The following COMMD10 variants were observed in gnomAD, a reference collection of about 807,000 sequenced individuals.
COMMD10 encodes COMM domain-containing protein 10.
COMMD10 carries 33 observed loss-of-function variants against 28.9 expected under a neutral mutation model. The observed-to-expected ratio is 1.14, with a 90% CI of 0.87 to 1.53. COMMD10 has a LOEUF of 1.53. COMMD10 is among the 40% of genes most tolerant of loss of function. COMMD10 has a pLI of 0.00. For missense variants in COMMD10, 310 were observed against 233.4 expected (o/e 1.33, Z -2.14); for synonymous variants, 110 against 81.7 (o/e 1.35, Z -1.87).
chr5:116,276,475 A>T (rs1326837354), intron 5 of COMMD10, among the ~76,000 whole-genome samples: 1 of 151,708 alleles, frequency 6.6e-6, no homozygotes, highest in African/African-American at 2.4e-5. Context: ...ACCTCAGGTG[A>T]TCCACCCACC....
At position 116,292,825 on chromosome 5, in the gene COMMD10, G is replaced by GT. The variant is rs1199863696; in HGVS notation, c.*337dup. The GT allele has an allele frequency of 2.5e-6, 1 of 395,864 alleles. No individual in the cohort carries two copies. The highest frequency in any genetic ancestry group is 2.1e-5 in the African/African-American group (1 of 48,522). The allele number at this position is 395,864 out of a possible 1,614,324, so 24.5% of individuals were successfully genotyped here. ...TTTACTTGCTGGATGATACCATAAT[G>GT]TATCAAGGAGCGTCCATGGATACAA... On this transcript the variant is annotated 3_prime_UTR_variant, in exon 7 of 7. Coordinates refer to ENST00000274458, the MANE Select transcript of COMMD10 (RefSeq NM_016144.4).
chr5:116,242,862 C>T (rs185221181), intron 5 of COMMD10, among the ~76,000 whole-genome samples: 3 of 152,112 alleles, frequency 2.0e-5, no homozygotes, highest in East Asian at 1.9e-4. Context: ...AAATAATAAT[C>T]GTTGGATAGG....
At chr5:116,149,707 G>GT (rs1224972006) in intron 5 of COMMD10, among the ~76,000 whole-genome samples, 153 of 148,666 alleles carry the variant, frequency 1.0e-3, no homozygotes, top group African/African-American at 3.6e-3. Context: ...GGGGTTGTTT[G>GT]TTTTTTTCTT....
chr5:116,192,461 C>T (rs1395170996), intron 5 of COMMD10, among the ~76,000 whole-genome samples: 1 of 151,934 alleles, frequency 6.6e-6, no homozygotes, highest in Non-Finnish European at 1.5e-5. Context: ...GAAATAGATA[C>T]TTTAAAGAAA....
chr5:116,140,072 G>T (rs1752148419), intron 5 of COMMD10, among the ~76,000 whole-genome samples: 1 of 151,324 alleles, frequency 6.6e-6, no homozygotes. Flanking sequence ...GATAATCTCT[G>T]TTCTAATAGG....
chr5:116,244,050 A>G (rs1212288904), intron 5 of COMMD10, among the ~76,000 whole-genome samples: 2 of 152,104 alleles, frequency 1.3e-5, no homozygotes, highest in Non-Finnish European at 1.5e-5. Context: ...CACATATTAT[A>G]TATCTATATA....
intron 5 of COMMD10, among the ~76,000 whole-genome samples, chr5:116,275,999 A>T (rs1350201932): frequency 6.6e-6 from 1 of 151,292 alleles, no homozygotes; most frequent in Non-Finnish European, 1.5e-5. Flanking sequence ...CTTAAGGAAC[A>T]CACTATGTTT....
At chr5:116,240,689 A>C (rs1303668199) in intron 5 of COMMD10, among the ~76,000 whole-genome samples, 1 of 152,178 alleles carries the variant, frequency 6.6e-6, no homozygotes, top group Admixed American at 6.5e-5. Flanking sequence ...AGAAGGAAGA[A>C]TCACTAGTGT....
Position 116,273,587 on chromosome 5 carries a change from A to G in COMMD10, c.511-17930A>G, listed in dbSNP as rs1266910472. ...TCATTAATATTAATGACTAGACTAC[A>G]GAGGCATGTAGCCTGTCTAAACATT... On this transcript the variant is annotated intron_variant, in intron 5 of 6. Transcript: ENST00000274458. Among the ~76,000 whole-genome samples the G allele has an allele frequency of 4.0e-5, 6 of 151,880 alleles. 1 individual carries two copies. The highest frequency in any genetic ancestry group is 3.3e-4 in the Admixed American group (5 of 15,216).
rs1750144622 is a variant in COMMD10, at chr5:116,087,519, A to T, written c.64A>T (p.Ile22Leu). The change falls in exon 2 of 7, where the codon ATA (isoleucine) becomes TTA (leucine). Residue 22 changes from isoleucine to leucine, a missense_variant. Transcript: ENST00000274458. ...SPSMKKAVSLINAIDTGRFPR... is the reference protein window; with the variant it reads ...SPSMKKAVSLLNAIDTGRFPR... The stretch of plus-strand genomic sequence containing the variant: ...TAGCATGAAGAAAGCAGTGTCACTG[A>T]TAAATGCAATAGATACAGGAAGATT... The T allele has an allele frequency of 1.2e-6, 2 of 1,611,000 alleles. No individual in the cohort carries two copies. Among genetic ancestry groups the T allele is most frequent in the Admixed American group, 1.7e-5 (1 of 60,000 alleles).
At chr5:116,229,009 A>G (rs778338245) in intron 5 of COMMD10, among the ~76,000 whole-genome samples, 2 of 152,048 alleles carry the variant, frequency 1.3e-5, no homozygotes, top group South Asian at 2.1e-4. Flanking sequence ...ATATTTGCCT[A>G]TAGACATTAC....
intron 2 of COMMD10, among the ~76,000 whole-genome samples, chr5:116,090,610 AT>A (rs1483524992): frequency 1.3e-5 from 2 of 152,208 alleles, no homozygotes; most frequent in African/African-American, 2.4e-5. Flanking sequence ...GTTCCTGACC[AT>A]GGCAGACTAA....
intron 4 of COMMD10, among the ~76,000 whole-genome samples, chr5:116,108,021 T>G (rs183564399): frequency 6.6e-6 from 1 of 152,254 alleles, no homozygotes; most frequent in East Asian, 1.9e-4. Context: ...CAGCAAAGAT[T>G]GCTGCCTCTT....
intron 5 of COMMD10, among the ~76,000 whole-genome samples, chr5:116,272,511 G>T (rs904112885): frequency 6.6e-6 from 1 of 151,754 alleles, no homozygotes; most frequent in African/African-American, 2.4e-5. Flanking sequence ...AAGTCAGTAG[G>T]CAAAATGACT....
intron 5 of COMMD10, among the ~76,000 whole-genome samples, chr5:116,238,786 G>C (rs1270619999): frequency 1.3e-5 from 2 of 152,070 alleles, no homozygotes; most frequent in Non-Finnish European, 2.9e-5. Flanking sequence ...AACCAGGTTT[G>C]TGAGGGAGAG....
intron 5 of COMMD10, among the ~76,000 whole-genome samples, chr5:116,176,335 A>T (rs1753510667): frequency 6.6e-6 from 1 of 152,102 alleles, no homozygotes; most frequent in Non-Finnish European, 1.5e-5. Context: ...GCTGGACTGG[A>T]ATTCCTGGCA....
intron 5 of COMMD10, among the ~76,000 whole-genome samples, chr5:116,140,532 T>C (rs1752166951): frequency 6.6e-6 from 1 of 151,876 alleles, no homozygotes; most frequent in Non-Finnish European, 1.5e-5. Flanking sequence ...CCAATTTACA[T>C]TTCCACCATC....
In COMMD10 at chr5:116,219,261, C is replaced by T. The variant is rs34377873; in HGVS notation, c.511-72256C>T. Reference sequence around the variant, plus strand: ...GTCTGTGGCATTTCGTTAATGGCAGCCCTAGCAAACCGATACATACAGTTT... The same window carrying T: ...GTCTGTGGCATTTCGTTAATGGCAGTCCTAGCAAACCGATACATACAGTTT... On this transcript the variant is annotated intron_variant, in intron 5 of 6. Transcript: ENST00000274458. Among the ~76,000 whole-genome samples, 1,378 of 152,190 alleles carry T rather than the reference C, an allele frequency of 9.1e-3. 5 individuals are homozygous for T. Among genetic ancestry groups the T allele is most frequent in the Non-Finnish European group, 0.014 (975 of 68,000 alleles).
chr5:116,261,071 A>G (rs1750429683), intron 5 of COMMD10, among the ~76,000 whole-genome samples: 1 of 151,794 alleles, frequency 6.6e-6, no homozygotes, highest in African/African-American at 2.4e-5. Flanking sequence ...GAGAGACATC[A>G]GTAGCCTATG....
Sources: gnomAD v4.1 joint callset for allele counts (sites outside exome capture counted in the v4.1 genomes callset) on GRCh38, gnomAD v4.1.1 for gene constraint, MANE v1.5 for transcripts, NCBI Gene and HGNC (gene_info 2026-07-23, HGNC 2026-07-21) for gene names.